Variants in DST observed in about 807,000 individuals in gnomAD.
DST encodes dystonin, also known as bullous pemphigoid antigen.
In DST, 253 loss-of-function variants were observed where a neutral mutation model predicts 875.2. That is an observed-to-expected ratio of 0.29 (90% CI 0.26 to 0.32). The LOEUF (loss-of-function observed/expected upper bound fraction) is 0.32. Among genes scored for constraint, DST ranks in the 10% least tolerant of loss-of-function variants. The pLI is 1.00. For synonymous variants in DST, 3,124 were observed against 3,197.1 expected, an observed-to-expected ratio of 0.98 and a Z score of 0.77; for missense variants, 8,287 against 9,111.6, an observed-to-expected ratio of 0.91 and a Z score of 3.68.
chr6:56,763,825 T>C (rs1564059467), intron 4 of DST, among the ~76,000 whole-genome samples: 1 of 151,836 alleles, frequency 6.6e-6, no homozygotes, highest in Non-Finnish European at 1.5e-5. Flanking sequence ...CAAGGAACTC[T>C]AGTCCTACAT....
rs141865344 is a variant in DST, at chr6:56,806,962, T to TA, written c.625+44434dup. 3.4e-3 allele frequency among the ~76,000 whole-genome samples: 517 copies of TA among 152,322 alleles called. 4 individuals carry two copies. Among genetic ancestry groups the TA allele is most frequent in the African/African-American group, 0.012 (502 of 41,582 alleles). On this transcript the variant is annotated intron_variant, in intron 4 of 103. Coordinates refer to ENST00000680361, the MANE Select transcript of DST (RefSeq NM_001374736.1). ...ATATACCTATAGCTCTATATACCTA[T>TA]AAAGATGGCTGAGAGAAATTAAAGG...
chr6:56,910,771 C>A (rs964188245), intron 2 of DST, among the ~76,000 whole-genome samples: 3 of 152,188 alleles, frequency 2.0e-5, no homozygotes, highest in East Asian at 1.9e-4. Context: ...AAGCATGAGC[C>A]CCCGTGCTCG....
Position 56,584,085 on chromosome 6 carries a change from T to C in DST, c.12904-5148A>G, listed in dbSNP as rs904299886. Among the ~76,000 whole-genome samples the C allele has an allele frequency of 2.2e-3, 342 of 152,296 alleles. 2 individuals carry two copies. Among genetic ancestry groups the C allele is most frequent in the African/African-American group, 7.9e-3 (329 of 41,554 alleles). On this transcript the variant is annotated intron_variant, in intron 49 of 103. Coordinates refer to ENST00000680361, the MANE Select transcript of DST (RefSeq NM_001374736.1). The stretch of plus-strand genomic sequence containing the variant: ...TGACTTGGCGATGCGGGCTCTTTTT[T>C]GGTTCCATATGAACTTTAAAGTAGT...
intron 4 of DST, among the ~76,000 whole-genome samples, chr6:56,789,995 G>A (rs2099714410): frequency 6.6e-6 from 1 of 151,984 alleles, no homozygotes. Context: ...TCTCTACCAG[G>A]GATGCTCTCT....
chr6:56,866,294 A>C (rs1254710339), intron 3 of DST, among the ~76,000 whole-genome samples: 1 of 152,180 alleles, frequency 6.6e-6, no homozygotes, highest in African/African-American at 2.4e-5. Context: ...CACCATGCCC[A>C]GCCAGAGCTA....
At chr6:56,749,307 T>C (rs958463171) in intron 4 of DST, among the ~76,000 whole-genome samples, 2 of 152,042 alleles carry the variant, frequency 1.3e-5, no homozygotes, top group African/African-American at 4.8e-5. Context: ...TGAGACGAGA[T>C]TGGGCCACTG....
Position 56,562,165 on chromosome 6 carries a change from T to C in DST, c.14041A>G (p.Asn4681Asp). ...TTATTTGCCCAAAATTCCTCAGTAT[T>C]TGTGGCTGTTCCTTCACCATTTAAT... ...AVLNGEGTAT[N>D]TEEFWANKGL... is the part of the protein sequence containing the mutation. The change falls in exon 56 of 104, where the codon AAT (asparagine) becomes GAT (aspartate). Residue 4681 changes from asparagine (N) to aspartate (D), a missense_variant. Transcript: ENST00000680361. 2 of 1,557,032 alleles carry C rather than the reference T, an allele frequency of 1.3e-6. No individual in the cohort carries two copies. Among genetic ancestry groups the C allele is most frequent in the Non-Finnish European group, 8.7e-7 (1 of 1,150,000 alleles).
intron 4 of DST, among the ~76,000 whole-genome samples, chr6:56,809,467 A>G (rs1335913698): frequency 3.3e-5 from 5 of 152,238 alleles, no homozygotes; most frequent in African/African-American, 1.2e-4. Context: ...ATTAAATTTA[A>G]TAATGAATAT....
intron 10 of DST, among the ~76,000 whole-genome samples, chr6:56,664,858 T>G (rs1324368286): frequency 1.3e-5 from 2 of 152,118 alleles, no homozygotes; most frequent in Non-Finnish European, 2.9e-5. Context: ...TATTTGAAAC[T>G]TTTCCACTGA....
At chr6:56,559,543 A>G (rs2097499378) in intron 58 of DST, among the ~76,000 whole-genome samples, 1 of 152,152 alleles carries the variant, frequency 6.6e-6, no homozygotes, top group Non-Finnish European at 1.5e-5. Flanking sequence ...CATAGTATAT[A>G]CTTATATAGC....
At chr6:56,946,704 G>A (rs1446616421) in intron 2 of DST, among the ~76,000 whole-genome samples, 1 of 152,184 alleles carries the variant, frequency 6.6e-6, no homozygotes, top group Non-Finnish European at 1.5e-5. Flanking sequence ...TAAGTTTAAG[G>A]AGCTATTACT....
Position 56,604,382 on chromosome 6 carries a change from C to T in DST, c.10246G>A (p.Gly3416Arg). ...GATGAGTTAGTCATGGGGGAAACTC[C>T]AGAAGAGTCACTCATTTGAGAGTCG... ...PSDSQMSDSS[G>R]VSPMTNSSEL... The change falls in exon 40 of 104, where the codon GGA (glycine) becomes AGA (arginine). Residue 3416 changes from glycine to arginine, a missense_variant. Transcript: ENST00000680361. 1.2e-6 allele frequency: 2 copies of T among 1,611,772 alleles called. No homozygotes were observed. Among genetic ancestry groups the T allele is most frequent in the South Asian group, 1.1e-5 (1 of 90,904 alleles).
intron 4 of DST, among the ~76,000 whole-genome samples, chr6:56,743,912 G>C (rs1202252556): frequency 2.6e-5 from 4 of 152,146 alleles, no homozygotes. Context: ...CCAGTACTTT[G>C]GGAGGCTGAG....
At chr6:56,716,134 G>A (rs2099393785) in intron 5 of DST, among the ~76,000 whole-genome samples, 1 of 152,306 alleles carries the variant, frequency 6.6e-6, no homozygotes, top group East Asian at 1.9e-4. Context: ...TGACTGGCTG[G>A]AAAGTGTCTA....
intron 67 of DST, among the ~76,000 whole-genome samples, chr6:56,528,584 T>C (rs929225475): frequency 1.3e-5 from 2 of 152,178 alleles, no homozygotes; most frequent in South Asian, 2.1e-4. Context: ...GCTTCTCTGA[T>C]GAGCTCCTGT....
At chr6:56,929,692 A>G (rs1261338349) in intron 2 of DST, among the ~76,000 whole-genome samples, 4 of 152,206 alleles carry the variant, frequency 2.6e-5, no homozygotes, top group East Asian at 3.8e-4. Context: ...AATAAAAACA[A>G]TAACAGCAAA....
At chr6:56,471,994 T>C in intron 94 of DST, 65 bp downstream of exon 94, 4 of 1,528,388 alleles carry the variant, frequency 2.6e-6, no homozygotes, top group African/African-American at 2.7e-5. Flanking sequence ...ATTTTGGCAA[T>C]GGCAATGTGT....
chr6:56,820,424 A>G (rs1024835038), intron 4 of DST, among the ~76,000 whole-genome samples: 3 of 152,198 alleles, frequency 2.0e-5, no homozygotes, highest in Non-Finnish European at 2.9e-5. Context: ...AAATTACATC[A>G]GCCTTCAATT....
intron 9 of DST, among the ~76,000 whole-genome samples, chr6:56,689,496 A>G (rs2099212955): frequency 6.6e-6 from 1 of 152,180 alleles, no homozygotes; most frequent in South Asian, 2.1e-4. Context: ...TAAAACATAT[A>G]CAATACTGTC....
Sources: gnomAD v4.1 joint callset for allele counts (sites outside exome capture counted in the v4.1 genomes callset) on GRCh38, gnomAD v4.1.1 for gene constraint, MANE v1.5 for transcripts, NCBI Gene and HGNC (gene_info 2026-07-23, HGNC 2026-07-21) for gene names.